The following KLF12 variants were observed in gnomAD, a reference collection of about 807,000 sequenced individuals.
KLF12 encodes KLF transcription factor 12.
Under a neutral mutation model 37.8 loss-of-function variants are expected in KLF12, and 9 were observed. That is an observed-to-expected ratio of 0.24 (90% confidence interval 0.14 to 0.42). The LOEUF (loss-of-function observed/expected upper bound fraction) is 0.42. Among genes scored for constraint, KLF12 ranks in the 10% least tolerant of loss-of-function variants. The pLI, the probability that KLF12 is intolerant of heterozygous loss-of-function variation, is 1.00. For missense variants in KLF12, 411 were observed against 516.0 expected (o/e 0.80, Z 1.97); for synonymous variants, 208 against 202.1 (o/e 1.03, Z -0.25).
the KLF12 span, among the ~76,000 whole-genome samples, chr13:74,293,954 C>G: frequency 1.3e-4 from 20 of 152,204 alleles, no homozygotes; most frequent in African/African-American, 4.8e-4. Flanking sequence ...GCTATCTCCT[C>G]TCACCTCTTA....
the KLF12 span, among the ~76,000 whole-genome samples, chr13:74,230,318 A>C: frequency 6.6e-6 from 1 of 152,184 alleles, no homozygotes; most frequent in Non-Finnish European, 1.5e-5. Context: ...GCCCTGCAGA[A>C]CTGTGAGTCA....
At chr13:74,062,700 T>C (rs895527965) in intron 1 of KLF12, among the ~76,000 whole-genome samples, 2 of 152,202 alleles carry the variant, frequency 1.3e-5, no homozygotes, top group Non-Finnish European at 2.9e-5. Flanking sequence ...TGTCTTTGTT[T>C]TGCTTGTAAT....
At chr13:74,186,618 G>C in the KLF12 span, among the ~76,000 whole-genome samples, 1 of 152,206 alleles carries the variant, frequency 6.6e-6, no homozygotes, top group East Asian at 1.9e-4. Context: ...ATCCCAAGGT[G>C]GTGTGTGAGA....
chr13:74,155,854 G>A, the KLF12 span, among the ~76,000 whole-genome samples: 8 of 152,084 alleles, frequency 5.3e-5, no homozygotes, highest in Non-Finnish European at 8.8e-5. Context: ...CCTGGTATTG[G>A]GAGGGGTTTC....
At chr13:74,292,669 C>T in the KLF12 span, among the ~76,000 whole-genome samples, 1 of 152,078 alleles carries the variant, frequency 6.6e-6, no homozygotes, top group African/African-American at 2.4e-5. Context: ...TGGAATGCTT[C>T]CCCTCCCAAG....
chr13:73,747,950 CTG>C (rs1471786850), intron 6 of KLF12, among the ~76,000 whole-genome samples: 1 of 152,106 alleles, frequency 6.6e-6, no homozygotes, highest in African/African-American at 2.4e-5. Flanking sequence ...TGTGTGAAAA[CTG>C]TGAAAAGCTT....
chr13:73,700,494 C>T (rs943566996), intron 7 of KLF12, among the ~76,000 whole-genome samples: 1 of 151,602 alleles, frequency 6.6e-6, no homozygotes, highest in Admixed American at 6.6e-5. Flanking sequence ...TACACTTTTA[C>T]GATCCCCCCA....
chr13:74,005,003 A>G (rs1354044682), intron 1 of KLF12, among the ~76,000 whole-genome samples: 1 of 152,188 alleles, frequency 6.6e-6, no homozygotes. Context: ...AACGTCTTTA[A>G]AATAAAAGCC....
At chr13:73,978,505 T>C (rs1423303143) in intron 2 of KLF12, among the ~76,000 whole-genome samples, 1 of 152,158 alleles carries the variant, frequency 6.6e-6, no homozygotes, top group East Asian at 1.9e-4. Flanking sequence ...TCATTGCTGG[T>C]GGGAAAGCAA....
chr13:73,920,886 C>T (rs1889082757), intron 3 of KLF12, among the ~76,000 whole-genome samples: 1 of 152,116 alleles, frequency 6.6e-6, no homozygotes, highest in Admixed American at 6.5e-5. Context: ...AGGCTCTTAC[C>T]CCTCTGCCTT....
chr13:73,892,625 C>T (rs191538520), intron 3 of KLF12, among the ~76,000 whole-genome samples: 2 of 152,250 alleles, frequency 1.3e-5, no homozygotes, highest in Admixed American at 1.3e-4. Flanking sequence ...AATAAGGAAT[C>T]TGACAAACTA....
At chr13:73,932,785 T>C (rs1889747627) in intron 3 of KLF12, among the ~76,000 whole-genome samples, 1 of 152,202 alleles carries the variant, frequency 6.6e-6, no homozygotes, top group Admixed American at 6.5e-5. Flanking sequence ...ACATTTACTG[T>C]AGGATACTGC....
chr13:74,056,080 G>A (rs185925695), intron 1 of KLF12, among the ~76,000 whole-genome samples: 3 of 152,304 alleles, frequency 2.0e-5, no homozygotes, highest in Admixed American at 1.3e-4. Context: ...GAGGAAAGCA[G>A]AAGGAGGTAA....
intron 4 of KLF12, among the ~76,000 whole-genome samples, chr13:73,828,017 G>A (rs1221952955): frequency 6.6e-6 from 1 of 151,812 alleles, no homozygotes; most frequent in African/African-American, 2.4e-5. Flanking sequence ...AGTCTTATCA[G>A]CATAAGACTC....
intron 2 of KLF12, among the ~76,000 whole-genome samples, chr13:73,954,427 A>C (rs1044203235): frequency 2.6e-4 from 37 of 141,426 alleles, no homozygotes; most frequent in Non-Finnish European, 4.7e-4. Flanking sequence ...GTATGTTTCC[A>C]AAAAAAAGTG....
chr13:73,780,340 C>T (rs1880882876), intron 5 of KLF12, among the ~76,000 whole-genome samples: 1 of 152,126 alleles, frequency 6.6e-6, no homozygotes, highest in South Asian at 2.1e-4. Context: ...CACCTGTCAC[C>T]TGAGCAGCGT....
the KLF12 span, among the ~76,000 whole-genome samples, chr13:74,294,423 C>T: frequency 1.3e-5 from 2 of 152,026 alleles, no homozygotes; most frequent in African/African-American, 4.8e-5. Flanking sequence ...GGCTGGAGTG[C>T]GGTGGTGCGA....
the KLF12 span, among the ~76,000 whole-genome samples, chr13:74,212,000 TA>T: frequency 6.6e-6 from 1 of 152,206 alleles, no homozygotes; most frequent in Admixed American, 6.6e-5. Context: ...ATATACCACA[TA>T]ATGCATGACA....
chr13:74,192,572 G>A, the KLF12 span, among the ~76,000 whole-genome samples: 1 of 152,136 alleles, frequency 6.6e-6, no homozygotes, highest in African/African-American at 2.4e-5. Flanking sequence ...GTAATGAAAC[G>A]GGTTTTTGCA....
Sources: allele counts gnomAD v4.1 joint callset (sites outside exome capture counted in the v4.1 genomes callset), GRCh38; gene constraint gnomAD v4.1.1; transcripts MANE v1.5; gene names NCBI Gene and HGNC (gene_info 2026-07-23, HGNC 2026-07-21).